The following EIF3A variants were observed in gnomAD, a reference collection of about 807,000 sequenced individuals.
EIF3A encodes EIF3, p180 subunit.
A neutral mutation model predicts 186.6 loss-of-function variants in EIF3A; 21 were observed. The observed-to-expected ratio is 0.11, with a 90% CI of 0.08 to 0.16. The LOEUF (loss-of-function observed/expected upper bound fraction) is 0.16, where lower values mean the gene tolerates loss of function less well. Among genes scored for constraint, EIF3A ranks in the 10% least tolerant of loss-of-function variants. EIF3A has a pLI of 1.00. For missense variants in EIF3A, 1,306 were observed against 1,796.3 expected, an observed-to-expected ratio of 0.73 and a Z score of 4.93; for synonymous variants, 563 against 584.3, an observed-to-expected ratio of 0.96 and a Z score of 0.52.
chr10:119,037,665 C>G (rs1589683435), intron 20 of EIF3A, among the ~76,000 whole-genome samples: 1 of 152,204 alleles, frequency 6.6e-6, no homozygotes, highest in Non-Finnish European at 1.5e-5. Context: ...GCATCGAACA[C>G]TGCTGGTCTA....
At chr10:119,038,510 A>C in intron 19 of EIF3A, 71 bp from the exon 20 acceptor site, 1 of 1,244,444 alleles carries the variant, frequency 8.0e-7, no homozygotes, top group Non-Finnish European at 1.1e-6. Context: ...AATCATGAAT[A>C]GACGTTGGCA....
At chr10:119,072,124 AG>A (rs1392453429) in intron 4 of EIF3A, among the ~76,000 whole-genome samples, 1 of 150,748 alleles carries the variant, frequency 6.6e-6, no homozygotes, top group Non-Finnish European at 1.5e-5. Flanking sequence ...CTGAAGCAAG[AG>A]GATCACTTGA....
chr10:119,056,503 G>A (rs1346396989), intron 14 of EIF3A, among the ~76,000 whole-genome samples: 1 of 152,176 alleles, frequency 6.6e-6, no homozygotes, highest in East Asian at 1.9e-4. Context: ...CATTTAAAGT[G>A]TATATAAAGC....
chr10:119,036,180 T>C lies in EIF3A; in HGVS notation c.4008A>G (p.Ser1336=). The stretch of plus-strand genomic sequence containing the variant: ...GGTCTCGGTCTCTTTCTCGGTCTCT[T>C]GAAAGAGCTGGGGGAGGAACTCGAC... ...PPRRVPPPAL[S]RDRERDRDRE... Residue 1336 remains serine, a synonymous_variant, in exon 22 of 22, where the codon TCA becomes TCG. Transcript: ENST00000369144. The C allele has an allele frequency of 6.2e-7, 1 of 1,613,928 alleles. No individual in the cohort carries two copies. The highest frequency in any genetic ancestry group is 8.5e-7 in the Non-Finnish European group (1 of 1,179,890).
Position 119,042,362 on chromosome 10 carries a change from G to A in EIF3A, c.3158C>T (p.Ala1053Val). 6.2e-7 allele frequency: 1 copy of A among 1,612,238 alleles called. No homozygotes were observed. Among genetic ancestry groups the A allele is most frequent in the South Asian group, 1.1e-5 (1 of 90,988 alleles). Residue 1053 changes from alanine to valine, a missense_variant, in exon 19 of 22, where the codon GCT becomes GTT. Ala to Val is a moderately conservative substitution (Grantham distance 64, BLOSUM62 0). Transcript: ENST00000369144. The surrounding 1 kb of genome is among the most constrained non-coding windows in gnomAD (Gnocchi z 7.8). ...DDDRGPRRGGADDERSSWRNA... is the reference protein window; with the variant it reads ...DDDRGPRRGGVDDERSSWRNA... ...ACGCCAGGATGATCGCTCATCATCA[G>A]CGCCTCCTCGCCTCGGCCCCCGGTC... is the stretch of plus-strand genomic sequence containing the variant.
rs76398774 is a variant in EIF3A, at chr10:119,080,679, T to C, written c.-3A>G. 8,953 of 1,594,048 alleles carry C rather than the reference T, an allele frequency of 5.6e-3. 396 individuals carry two copies. The African/African-American group carries it at 0.1, about 18-fold the overall frequency. ...GGCCTCTGAAAATAGGCCGGCATCTTGGCGGCAGGCTCAGCTCACCCGGCG... is the reference window on the plus strand; with the variant it reads ...GGCCTCTGAAAATAGGCCGGCATCTCGGCGGCAGGCTCAGCTCACCCGGCG... On this transcript the variant is annotated 5_prime_UTR_variant, in exon 1 of 22. Transcript: ENST00000369144.
chr10:119,072,268 T>C (rs1012336548), intron 4 of EIF3A, among the ~76,000 whole-genome samples: 1 of 149,350 alleles, frequency 6.7e-6, no homozygotes, highest in Non-Finnish European at 1.5e-5. Flanking sequence ...TGGAAAAGTT[T>C]ATTTTTTCAG....
chr10:119,073,147 A>G, intron 3 of EIF3A, 94 bp from the exon 4 acceptor site: 1 of 1,237,014 alleles, frequency 8.1e-7, no homozygotes. Flanking sequence ...AAAACAGTGC[A>G]AATTCTTCCC....
At chr10:119,051,355 CTTTTT>C (rs199678201) in intron 14 of EIF3A, 34 bp from the exon 15 acceptor site, 1 of 1,261,330 alleles carries the variant, frequency 7.9e-7, no homozygotes, top group African/African-American at 1.6e-5. Context: ...TTTCAATGCA[CTTTTT>C]TTTTTACTCA....
intron 1 of EIF3A, among the ~76,000 whole-genome samples, chr10:119,076,264 C>T (rs12264824): frequency 0.33 from 47,894 of 146,562 alleles, 8,503 homozygotes; most frequent in Non-Finnish European, 0.4. Context: ...ATTCAGGAGG[C>T]GGAGGTTGCG....
intron 12 of EIF3A, 22 bp from the exon 13 acceptor site, chr10:119,057,062 C>T: frequency 7.0e-7 from 1 of 1,420,814 alleles, no homozygotes; most frequent in African/African-American, 1.4e-5. Flanking sequence ...TACAAATGCA[C>T]AATTGTTAAT....
Position 119,042,889 on chromosome 10 carries a change from G to C in EIF3A, c.2748-117C>G, listed in dbSNP as rs868379402. 12 of 1,073,848 alleles carry C rather than the reference G, an allele frequency of 1.1e-5. No individual in the cohort carries two copies. Among genetic ancestry groups the C allele is most frequent in the Non-Finnish European group, 1.6e-5 (12 of 770,756 alleles). The allele number at this position is 1,073,848 out of a possible 1,614,324, so 66.5% of individuals were successfully genotyped here. ...TCAGTATGGGCCGGAGCAGTGGCTC[G>C]CACCTTTAATCCCAGCACTCTGGGA... On this transcript the variant is annotated intron_variant, in intron 18 of 21. Transcript: ENST00000369144. The surrounding 1 kb of genome is among the most constrained non-coding windows in gnomAD (Gnocchi z 7.8).
At chr10:119,038,462 CATTTTTAAAAT>C (rs1239075314) in intron 19 of EIF3A, 23 bp from the exon 20 acceptor site, 1 of 1,568,402 alleles carries the variant, frequency 6.4e-7, no homozygotes, top group Admixed American at 1.9e-5. Flanking sequence ...AAAAGCAAAA[CATTTTTAAAAT>C]ATTTTTAAAA....
chr10:119,064,990 G>A (rs766209937), intron 7 of EIF3A, among the ~76,000 whole-genome samples: 16 of 152,088 alleles, frequency 1.1e-4, no homozygotes, highest in Non-Finnish European at 1.5e-4. Context: ...GATTACAGAC[G>A]TGAGCCACCA....
At chr10:119,056,180 C>T (rs774978287) in intron 14 of EIF3A, among the ~76,000 whole-genome samples, 2 of 152,152 alleles carry the variant, frequency 1.3e-5, no homozygotes, top group Non-Finnish European at 2.9e-5. Context: ...GTAAACCATG[C>T]TTTTGTATCA....
chr10:119,044,283 T>C, intron 17 of EIF3A, 141 bp from the exon 18 acceptor site: 1 of 636,300 alleles, frequency 1.6e-6, no homozygotes. Context: ...TCATTTATTT[T>C]TTAATCTGAG....
chr10:119,074,095 G>A (rs1844118946), intron 1 of EIF3A, among the ~76,000 whole-genome samples, 158 bp from the exon 2 acceptor site: 1 of 152,078 alleles, frequency 6.6e-6, no homozygotes, highest in African/African-American at 2.4e-5. Flanking sequence ...ATTATCAAAA[G>A]TAAAACAACA....
chr10:119,074,006 A>C (rs1844118067), intron 1 of EIF3A, 69 bp from the exon 2 acceptor site: 1 of 1,323,466 alleles, frequency 7.6e-7, no homozygotes. Flanking sequence ...ACCTTTTTAA[A>C]CAGCTATTTC....
chr10:119,050,199 C>G (rs1005560673), intron 16 of EIF3A, among the ~76,000 whole-genome samples: 1 of 152,182 alleles, frequency 6.6e-6, no homozygotes, highest in Non-Finnish European at 1.5e-5. Flanking sequence ...ATCCCTCCCC[C>G]ATCCCTGAGC....
Sources: allele counts gnomAD v4.1 joint callset (sites outside exome capture counted in the v4.1 genomes callset), GRCh38; gene constraint gnomAD v4.1.1; non-coding constraint Gnocchi (gnomAD v3.1); transcripts MANE v1.5; gene names NCBI Gene and HGNC (gene_info 2026-07-23, HGNC 2026-07-21).